MYO1D: variants seen among roughly 807,000 people sequenced by gnomAD.
The protein encoded by MYO1D is myosin ID, also known as unconventional myosin-Id.
MYO1D carries 83 observed loss-of-function variants against 122.0 expected under a neutral mutation model. That is an observed-to-expected ratio of 0.68 (90% CI 0.57 to 0.82). The LOEUF is 0.82. Among genes scored for constraint, MYO1D ranks in the 40% least tolerant of loss-of-function variants. The pLI is 0.00. For synonymous variants in MYO1D, 464 were observed against 446.9 expected, an observed-to-expected ratio of 1.04 and a Z score of -0.48; for missense variants, 1,157 against 1,269.5, an observed-to-expected ratio of 0.91 and a Z score of 1.35.
chr17:32,761,281 C>T (rs2089999170), intron 8 of MYO1D, among the ~76,000 whole-genome samples: 1 of 152,120 alleles, frequency 6.6e-6, no homozygotes, highest in Non-Finnish European at 1.5e-5. Flanking sequence ...ATATCCATTA[C>T]CTCCCCTTTA....
intron 21 of MYO1D, among the ~76,000 whole-genome samples, chr17:32,520,276 G>C (rs994086717): frequency 8.5e-5 from 13 of 152,152 alleles, no homozygotes; most frequent in African/African-American, 2.7e-4. Context: ...GAGGGTGATG[G>C]ACCCTGCCGC....
intron 21 of MYO1D, among the ~76,000 whole-genome samples, chr17:32,528,732 G>C (rs1052732454): frequency 6.6e-6 from 1 of 152,160 alleles, no homozygotes; most frequent in Non-Finnish European, 1.5e-5. Flanking sequence ...AGGAGGAGGA[G>C]GCAGTGTGAT....
intron 21 of MYO1D, among the ~76,000 whole-genome samples, chr17:32,545,390 T>C (rs539735513): frequency 6.6e-6 from 1 of 152,316 alleles, no homozygotes; most frequent in Admixed American, 6.5e-5. Context: ...GGCATATTAT[T>C]CTCCTGTTTT....
At chr17:32,809,742 G>A (rs1215293075) in intron 1 of MYO1D, among the ~76,000 whole-genome samples, 1 of 152,138 alleles carries the variant, frequency 6.6e-6, no homozygotes, top group Non-Finnish European at 1.5e-5. Context: ...CCCAGCCATT[G>A]GGCTGTTTTT....
intron 15 of MYO1D, among the ~76,000 whole-genome samples, chr17:32,715,993 C>T (rs1345834154): frequency 6.6e-6 from 1 of 151,494 alleles, no homozygotes; most frequent in Non-Finnish European, 1.5e-5. Flanking sequence ...CAACAGACTC[C>T]TAAATTATTT....
At chr17:32,812,401 T>C (rs1421368707) in intron 1 of MYO1D, among the ~76,000 whole-genome samples, 1 of 152,252 alleles carries the variant, frequency 6.6e-6, no homozygotes, top group Non-Finnish European at 1.5e-5. Context: ...CTCTTCCTAT[T>C]TTACATATGG....
chr17:32,805,672 GA>G (rs35193076), intron 1 of MYO1D, among the ~76,000 whole-genome samples: 3,421 of 149,388 alleles, frequency 0.023, 52 homozygotes, highest in South Asian at 0.037. Context: ...ATAATTCTCT[GA>G]AAAAAAAAAA....
chr17:32,757,554 T>C (rs1298213498), intron 10 of MYO1D, among the ~76,000 whole-genome samples: 2 of 152,252 alleles, frequency 1.3e-5, no homozygotes, highest in East Asian at 3.9e-4. Context: ...GGGAGAAAAG[T>C]TATTTCCATC....
chr17:32,778,572 C>T lies in MYO1D; in HGVS notation c.306G>A (p.Gly102=). 1.2e-6 allele frequency: 2 copies of T among 1,612,742 alleles called. No individual in the cohort carries two copies. Among genetic ancestry groups the T allele is most frequent in the Non-Finnish European group, 1.7e-6 (2 of 1,178,850 alleles). ...CTTCCGTTTTACCAGCTCCACTTTC[C>T]CCTGGGGGGAAAAATTGTTCAGGGC... ...RSKDTCIVIS[G]ESGAGKTEAS... is the part of the protein sequence containing the mutation. The change falls in exon 3 of 22, where the codon GGG becomes GGA. Residue 102 remains glycine (G), a splice_region_variant and synonymous_variant. Coordinates refer to ENST00000318217, the MANE Select transcript of MYO1D (RefSeq NM_015194.3).
intron 21 of MYO1D, among the ~76,000 whole-genome samples, chr17:32,566,022 G>A (rs1278816712): frequency 6.6e-6 from 1 of 152,106 alleles, no homozygotes; most frequent in Non-Finnish European, 1.5e-5. Context: ...ACCGCACCCG[G>A]CCTTCAGAGT....
intron 21 of MYO1D, among the ~76,000 whole-genome samples, chr17:32,506,809 A>C (rs1909516927): frequency 6.6e-6 from 1 of 152,214 alleles, no homozygotes; most frequent in South Asian, 2.1e-4. Flanking sequence ...GGGGAAAAGC[A>C]TTGCTGGAGA....
chr17:32,547,902 A>G (rs2086977945), intron 21 of MYO1D, among the ~76,000 whole-genome samples: 1 of 151,734 alleles, frequency 6.6e-6, no homozygotes, highest in South Asian at 2.1e-4. Context: ...GTGAGCTGAG[A>G]TTGTGGCACT....
intron 21 of MYO1D, among the ~76,000 whole-genome samples, chr17:32,547,096 G>A (rs914835722): frequency 1.3e-5 from 2 of 150,684 alleles, no homozygotes; most frequent in Admixed American, 1.3e-4. Context: ...TGTAAAGACA[G>A]CATCTTACTA....
At chr17:32,747,507 T>G (rs1453872082) in intron 12 of MYO1D, among the ~76,000 whole-genome samples, 1 of 152,156 alleles carries the variant, frequency 6.6e-6, no homozygotes, top group Non-Finnish European at 1.5e-5. Context: ...ATTATTCAGA[T>G]GGGCTCTACA....
intron 21 of MYO1D, among the ~76,000 whole-genome samples, chr17:32,560,563 A>C (rs1212352479): frequency 8.2e-5 from 9 of 110,328 alleles, no homozygotes; most frequent in African/African-American, 1.7e-4. Flanking sequence ...ATATATATAT[A>C]TATATATATA....
At chr17:32,791,234 C>T (rs562588486) in intron 1 of MYO1D, among the ~76,000 whole-genome samples, 2 of 151,972 alleles carry the variant, frequency 1.3e-5, no homozygotes, top group African/African-American at 2.4e-5. Flanking sequence ...CATGGTGGCA[C>T]GTGCCTGTAA....
At chr17:32,848,760 C>T (rs893439652) in intron 1 of MYO1D, among the ~76,000 whole-genome samples, 11 of 152,214 alleles carry the variant, frequency 7.2e-5, no homozygotes, top group South Asian at 2.1e-4. Context: ...CACAGTCCCC[C>T]GTCCCACACC....
At chr17:32,750,282 T>G (rs978226834) in intron 11 of MYO1D, among the ~76,000 whole-genome samples, 2 of 152,184 alleles carry the variant, frequency 1.3e-5, no homozygotes, top group Non-Finnish European at 2.9e-5. Context: ...TGGAATCTTA[T>G]AGTTTCTTAA....
intron 15 of MYO1D, among the ~76,000 whole-genome samples, chr17:32,712,805 C>A (rs2089395644): frequency 1.3e-5 from 2 of 152,210 alleles, no homozygotes; most frequent in Non-Finnish European, 2.9e-5. Context: ...AGGCAGCTCA[C>A]CACACAGCGG....
Sources: allele counts gnomAD v4.1 joint callset (sites outside exome capture counted in the v4.1 genomes callset), GRCh38; gene constraint gnomAD v4.1.1; transcripts MANE v1.5; gene names NCBI Gene and HGNC (gene_info 2026-07-23, HGNC 2026-07-21).